Variants in SGCZ observed in about 807,000 individuals in gnomAD.
The protein encoded by SGCZ is sarcoglycan zeta.
Under a neutral mutation model 41.3 loss-of-function variants are expected in SGCZ, and 40 were observed. That is an observed-to-expected ratio of 0.97 (90% CI 0.75 to 1.26). The LOEUF is 1.26. Among genes scored for constraint, SGCZ ranks in the 50% most tolerant of loss-of-function variants. SGCZ has a pLI of 0.00. For missense variants in SGCZ, 552 were observed against 369.8 expected, an observed-to-expected ratio of 1.49 and a Z score of -4.04; for synonymous variants, 206 against 137.5, an observed-to-expected ratio of 1.50 and a Z score of -3.49.
intron 3 of SGCZ, among the ~76,000 whole-genome samples, chr8:14,259,292 T>G (rs1191807457): frequency 6.6e-6 from 1 of 152,176 alleles, no homozygotes. Flanking sequence ...ACAAAAACAC[T>G]ATGCAGAAGC....
chr8:14,613,415 C>T (rs889085752), intron 1 of SGCZ, among the ~76,000 whole-genome samples: 6 of 152,064 alleles, frequency 3.9e-5, no homozygotes, highest in African/African-American at 1.4e-4. Flanking sequence ...ATAATATTGT[C>T]TCTTAGATAA....
chr8:15,038,606 T>C (rs1032072520), intron 1 of SGCZ, among the ~76,000 whole-genome samples: 5 of 150,832 alleles, frequency 3.3e-5, no homozygotes, highest in Non-Finnish European at 7.4e-5. Flanking sequence ...AATAGGCAAA[T>C]GGAATTGCAT....
At chr8:15,175,089 G>A (rs1402600122) in intron 1 of SGCZ, among the ~76,000 whole-genome samples, 3 of 151,696 alleles carry the variant, frequency 2.0e-5, no homozygotes, top group African/African-American at 7.3e-5. Context: ...CATTCTGCAC[G>A]TGTATCCCAG....
chr8:14,579,567 G>T (rs1028653173), intron 1 of SGCZ, among the ~76,000 whole-genome samples: 2 of 152,100 alleles, frequency 1.3e-5, no homozygotes, highest in Non-Finnish European at 2.9e-5. Flanking sequence ...TACAAATATG[G>T]CAGGATGAGA....
At chr8:14,446,118 A>G (rs1305380494) in intron 2 of SGCZ, among the ~76,000 whole-genome samples, 4 of 152,176 alleles carry the variant, frequency 2.6e-5, no homozygotes, top group Admixed American at 2.6e-4. Flanking sequence ...GTCATAGTCA[A>G]TAAGTCAGGG....
intron 1 of SGCZ, among the ~76,000 whole-genome samples, chr8:15,181,393 T>C (rs574987980): frequency 9.2e-5 from 14 of 152,114 alleles, no homozygotes; most frequent in Non-Finnish European, 1.9e-4. Context: ...AGACCAAATA[T>C]GACAGAGCCT....
At chr8:14,718,234 A>G (rs149679196) in intron 1 of SGCZ, among the ~76,000 whole-genome samples, 2,677 of 152,040 alleles carry the variant, frequency 0.018, 25 homozygotes, top group Non-Finnish European at 0.025. Flanking sequence ...TTTGAAAGTG[A>G]ATTTTTTAAT....
At chr8:14,309,542 G>A (rs908177957) in intron 3 of SGCZ, 28 of 1,610,162 alleles carry the variant, frequency 1.7e-5, no homozygotes, top group Middle Eastern at 4.5e-4. Flanking sequence ...AAACAAAGAA[G>A]CTGTTACACA....
At chr8:14,711,112 A>G (rs892360048) in intron 1 of SGCZ, among the ~76,000 whole-genome samples, 10 of 152,232 alleles carry the variant, frequency 6.6e-5, no homozygotes, top group African/African-American at 1.9e-4. Context: ...TTACTTGTTA[A>G]GTATGCCTGA....
intron 2 of SGCZ, among the ~76,000 whole-genome samples, chr8:14,387,678 ATATTT>A (rs1344574705): frequency 1.3e-5 from 2 of 152,072 alleles, no homozygotes; most frequent in Admixed American, 6.6e-5. Flanking sequence ...CTGAATAAAA[ATATTT>A]TATATGTTGA....
intron 4 of SGCZ, among the ~76,000 whole-genome samples, chr8:14,199,963 G>T (rs1159903126): frequency 6.6e-6 from 1 of 152,146 alleles, no homozygotes; most frequent in Non-Finnish European, 1.5e-5. Flanking sequence ...CAGCCATAGT[G>T]TGTGATAAGT....
chr8:14,751,676 G>A (rs1372998911), intron 1 of SGCZ, among the ~76,000 whole-genome samples: 2 of 152,084 alleles, frequency 1.3e-5, no homozygotes, highest in African/African-American at 4.8e-5. Context: ...TGCCTCCCGA[G>A]TAGCTGTGAC....
At chr8:15,124,432 C>T (rs1425021940) in intron 1 of SGCZ, among the ~76,000 whole-genome samples, 1 of 152,128 alleles carries the variant, frequency 6.6e-6, no homozygotes, top group Non-Finnish European at 1.5e-5. Flanking sequence ...AAACTCTGTT[C>T]CAATTCTGAA....
At chr8:14,505,777 C>T (rs1802287008) in intron 2 of SGCZ, among the ~76,000 whole-genome samples, 1 of 152,028 alleles carries the variant, frequency 6.6e-6, no homozygotes, top group South Asian at 2.1e-4. Context: ...TATATATTTC[C>T]TAGTGTAATG....
At chr8:14,490,099 C>T (rs1207075262) in intron 2 of SGCZ, among the ~76,000 whole-genome samples, 1 of 152,186 alleles carries the variant, frequency 6.6e-6, no homozygotes, top group East Asian at 1.9e-4. Context: ...AACTCCAAAC[C>T]TTGTGATCCA....
intron 2 of SGCZ, among the ~76,000 whole-genome samples, chr8:14,330,156 T>A (rs1802261525): frequency 6.6e-6 from 1 of 152,194 alleles, no homozygotes; most frequent in African/African-American, 2.4e-5. Context: ...ATTCTGATTC[T>A]AATTTTAGTT....
intron 1 of SGCZ, among the ~76,000 whole-genome samples, chr8:14,737,655 T>G (rs913428315): frequency 6.6e-6 from 1 of 151,738 alleles, no homozygotes; most frequent in Non-Finnish European, 1.5e-5. Context: ...CTTGGCTTGT[T>G]TGCAGACGGC....
intron 2 of SGCZ, among the ~76,000 whole-genome samples, chr8:14,458,053 T>C (rs1392746450): frequency 6.6e-6 from 1 of 152,140 alleles, no homozygotes. Context: ...ACCTCCTTTC[T>C]TCTAAACTAC....
intron 1 of SGCZ, among the ~76,000 whole-genome samples, chr8:14,764,433 C>T (rs1485235111): frequency 6.6e-6 from 1 of 152,134 alleles, no homozygotes; most frequent in Non-Finnish European, 1.5e-5. Context: ...ATGGCTTCTT[C>T]AATAACAGAA....
Sources: gnomAD v4.1 joint callset for allele counts (sites outside exome capture counted in the v4.1 genomes callset) on GRCh38, gnomAD v4.1.1 for gene constraint, MANE v1.5 for transcripts, NCBI Gene and HGNC (gene_info 2026-07-23, HGNC 2026-07-21) for gene names.